Variants in KAZN observed in about 807,000 individuals in gnomAD.
The protein encoded by KAZN is kazrin.
A neutral mutation model predicts 87.4 loss-of-function variants in KAZN; 40 were observed. That is an observed-to-expected ratio of 0.46 (90% confidence interval 0.36 to 0.60). The LOEUF is 0.60. KAZN is among the 20% of genes least tolerant of loss of function. KAZN has a pLI of 0.00. For missense variants in KAZN, 898 were observed against 1,073.9 expected (o/e 0.84, Z 2.29); for synonymous variants, 466 against 458.3 (o/e 1.02, Z -0.22).
intron 1 of KAZN, among the ~76,000 whole-genome samples, chr1:13,938,507 C>T (rs1479875515): frequency 6.6e-6 from 1 of 151,884 alleles, no homozygotes; most frequent in African/African-American, 2.4e-5. Context: ...AATTTGGATG[C>T]TTTTTATTTA....
In KAZN at chr1:14,876,523, G is replaced by A. The variant is rs537127063; in HGVS notation, c.227-84161G>A. ...TCTTTGCAGGGGAAGCAGACACAGC[G>A]TTGTGTAGTAGTTAAGTGGAGGGAG... On this transcript the variant is annotated intron_variant, in intron 1 of 14. Coordinates refer to ENST00000376030, the MANE Select transcript of KAZN (RefSeq NM_201628.3). Among the ~76,000 whole-genome samples the A allele has an allele frequency of 4.6e-5, 7 of 152,276 alleles. No homozygotes were observed. In the South Asian group the frequency reaches 6.2e-4, roughly 14 times the overall value.
intron 2 of KAZN, among the ~76,000 whole-genome samples, chr1:14,282,679 A>G (rs1323795475): frequency 6.6e-6 from 1 of 152,132 alleles, no homozygotes; most frequent in African/African-American, 2.4e-5. Flanking sequence ...AGCTCCTGGG[A>G]CTTGTTTCAC....
At chr1:13,980,010 G>A (rs1445431709) in intron 1 of KAZN, among the ~76,000 whole-genome samples, 1 of 152,018 alleles carries the variant, frequency 6.6e-6, no homozygotes, top group Non-Finnish European at 1.5e-5. Context: ...AAGGCAGGAG[G>A]TCCATAAATG....
chr1:13,948,177 G>A (rs1296211449), intron 1 of KAZN, among the ~76,000 whole-genome samples: 1 of 152,214 alleles, frequency 6.6e-6, no homozygotes, highest in East Asian at 1.9e-4. Context: ...AAGAGAAAGA[G>A]TGAAGGATTC....
At chr1:14,946,199 T>C (rs1332381515) in intron 1 of KAZN, 1 of 151,962 alleles carries the variant, frequency 6.6e-6, no homozygotes, top group Non-Finnish European at 1.5e-5. Context: ...GACGTAGAGG[T>C]GATGTGATTG....
chr1:14,173,933 A>T (rs1235755929), intron 1 of KAZN, among the ~76,000 whole-genome samples: 3 of 152,214 alleles, frequency 2.0e-5, no homozygotes, highest in Non-Finnish European at 4.4e-5. Context: ...AGGGAAATAG[A>T]TGCTAACCAG....
chr1:14,074,409 C>T (rs1222927065), intron 1 of KAZN, among the ~76,000 whole-genome samples: 1 of 152,222 alleles, frequency 6.6e-6, no homozygotes, highest in East Asian at 1.9e-4. Flanking sequence ...TGCAAACCAG[C>T]ACCCCTTGAC....
chr1:14,407,939 T>C (rs1319028325), intron 2 of KAZN, among the ~76,000 whole-genome samples: 3 of 152,180 alleles, frequency 2.0e-5, no homozygotes, highest in African/African-American at 7.2e-5. Flanking sequence ...TTTATGCAGG[T>C]TCTTTATGCT....
intron 1 of KAZN, among the ~76,000 whole-genome samples, chr1:14,731,517 A>G (rs7532344): frequency 0.79 from 120,620 of 152,142 alleles, 48,549 homozygotes; most frequent in Middle Eastern, 0.94. Flanking sequence ...CCCTTCCCAC[A>G]GAAGGTTTTG....
At chr1:14,429,255 G>A (rs371989951) in intron 2 of KAZN, among the ~76,000 whole-genome samples, 1 of 152,114 alleles carries the variant, frequency 6.6e-6, no homozygotes, top group East Asian at 1.9e-4. Context: ...AGCCCCACAG[G>A]GCCCTCCTGG....
chr1:14,789,750 T>C (rs1427233175), intron 1 of KAZN, among the ~76,000 whole-genome samples: 1 of 97,904 alleles, frequency 1.0e-5, no homozygotes, highest in Non-Finnish European at 1.8e-5. Context: ...GACTCTAAGC[T>C]CCTCATTACC....
At chr1:14,231,981 G>T (rs910388447) in intron 2 of KAZN, among the ~76,000 whole-genome samples, 1 of 152,094 alleles carries the variant, frequency 6.6e-6, no homozygotes, top group African/African-American at 2.4e-5. Context: ...GCTTGGGAGG[G>T]GTTTATATGG....
At chr1:14,821,836 G>A (rs1646746390) in intron 1 of KAZN, among the ~76,000 whole-genome samples, 1 of 152,158 alleles carries the variant, frequency 6.6e-6, no homozygotes, top group African/African-American at 2.4e-5. Flanking sequence ...TGTAACAGAT[G>A]GAAATATTGA....
At chr1:14,520,215 C>T (rs1356347421) in intron 2 of KAZN, among the ~76,000 whole-genome samples, 2 of 152,118 alleles carry the variant, frequency 1.3e-5, no homozygotes, top group African/African-American at 4.8e-5. Flanking sequence ...TTATACAACC[C>T]TATGATCCAT....
chr1:15,042,911 C>G (rs1382699995), intron 3 of KAZN, among the ~76,000 whole-genome samples: 1 of 152,186 alleles, frequency 6.6e-6, no homozygotes, highest in Non-Finnish European at 1.5e-5. Flanking sequence ...GGGTAGAGCT[C>G]CCCGCTGGGA....
At chr1:15,106,050 C>A (rs1272299098) in intron 13 of KAZN, among the ~76,000 whole-genome samples, 1 of 152,044 alleles carries the variant, frequency 6.6e-6, no homozygotes, top group Non-Finnish European at 1.5e-5. Flanking sequence ...GAGGCGGAGG[C>A]AGGAGGATTG....
At chr1:13,950,527 G>A (rs1033095833) in intron 1 of KAZN, among the ~76,000 whole-genome samples, 2 of 152,118 alleles carry the variant, frequency 1.3e-5, no homozygotes, top group African/African-American at 4.8e-5. Context: ...CTTGCTTGTG[G>A]GCTTCCTTAC....
Position 15,048,144 on chromosome 1 carries a change from C to A in KAZN, c.726+3985C>A, listed in dbSNP as rs148684377. 5.8e-3 allele frequency among the ~76,000 whole-genome samples: 891 copies of A among 152,348 alleles called. 4 individuals are homozygous for A. Among genetic ancestry groups the A allele is most frequent in the South Asian group, 0.042 (204 of 4,832 alleles). On this transcript the variant is annotated intron_variant, in intron 4 of 14. Coordinates refer to ENST00000376030, the MANE Select transcript of KAZN (RefSeq NM_201628.3). ...CCTCAGGATCCAGGCATCGTCCCTCCCCCCATGTCCTGAGGAGCCAACTCT... is the reference window on the plus strand; with the variant it reads ...CCTCAGGATCCAGGCATCGTCCCTCACCCCATGTCCTGAGGAGCCAACTCT...
At chr1:13,908,037 AAG>A (rs1380517580) in intron 1 of KAZN, among the ~76,000 whole-genome samples, 8 of 152,258 alleles carry the variant, frequency 5.3e-5, no homozygotes, top group Non-Finnish European at 1.2e-4. Flanking sequence ...TGACAAGGCA[AAG>A]AGAACATTTG....
Sources: gnomAD v4.1 joint callset for allele counts (sites outside exome capture counted in the v4.1 genomes callset) on GRCh38, gnomAD v4.1.1 for gene constraint, MANE v1.5 for transcripts, NCBI Gene and HGNC (gene_info 2026-07-23, HGNC 2026-07-21) for gene names.